Variants in NRBF2 observed in about 807,000 individuals in gnomAD.
NRBF2 encodes nuclear receptor-binding factor 2.
NRBF2 carries 12 observed loss-of-function variants against 28.5 expected under a neutral mutation model. The observed-to-expected ratio is 0.42, with a 90% confidence interval of 0.27 to 0.68. The LOEUF (loss-of-function observed/expected upper bound fraction) is 0.68, where lower values mean the gene tolerates loss of function less well. NRBF2 is among the 30% of genes least tolerant of loss of function. NRBF2 has a pLI of 0.24. For missense variants in NRBF2, 274 were observed against 333.5 expected (o/e 0.82, Z 1.39); for synonymous variants, 102 against 116.5 (o/e 0.88, Z 0.80).
chr10:63,150,974 G>T (rs1284544282), intron 2 of NRBF2, among the ~76,000 whole-genome samples: 1 of 152,332 alleles, frequency 6.6e-6, no homozygotes, highest in East Asian at 1.9e-4. Context: ...GGGAGTGGCT[G>T]TAAATACAGA....
intron 1 of NRBF2, among the ~76,000 whole-genome samples, chr10:63,142,775 TC>T (rs1251898852): frequency 7.7e-5 from 7 of 91,014 alleles, no homozygotes; most frequent in Non-Finnish European, 1.5e-4. Context: ...TTTCTTTCTT[TC>T]TTTCTTTTTT....
At chr10:63,135,239 T>A (rs114612659) in intron 1 of NRBF2, among the ~76,000 whole-genome samples, 1,634 of 152,308 alleles carry the variant, frequency 0.011, 32 homozygotes, top group African/African-American at 0.037. Context: ...CGACATATAG[T>A]TGGCAATGAA....
At chr10:63,142,201 T>G (rs1312865505) in intron 1 of NRBF2, among the ~76,000 whole-genome samples, 2 of 152,186 alleles carry the variant, frequency 1.3e-5, no homozygotes, top group African/African-American at 4.8e-5. Flanking sequence ...ATCTCATCCC[T>G]GCTTCTTAGA....
chr10:63,135,043 C>G (rs1224008346), intron 1 of NRBF2, among the ~76,000 whole-genome samples: 1 of 152,302 alleles, frequency 6.6e-6, no homozygotes, highest in East Asian at 1.9e-4. Flanking sequence ...CAAAAATAGC[C>G]TGGCGTGGTG....
At chr10:63,149,559 CTG>C (rs1469793307) in intron 2 of NRBF2, among the ~76,000 whole-genome samples, 1 of 152,110 alleles carries the variant, frequency 6.6e-6, no homozygotes, top group Non-Finnish European at 1.5e-5. Context: ...TATTGTGAGT[CTG>C]TGGAAGAAAT....
chr10:63,133,358 G>A lies in NRBF2; in HGVS notation c.-113G>A. The A allele has an allele frequency of 3.2e-6, 4 of 1,261,944 alleles. No homozygotes were observed. The highest frequency in any genetic ancestry group is 3.4e-6 in the Non-Finnish European group (3 of 887,066). 78.2% of individuals were successfully genotyped at this position (1,261,944 alleles called of 1,614,324 possible). A position where few individuals can be genotyped will look rare whatever the true frequency, so the allele number is the denominator to read the frequency against. ...TTCAGCGCCTATCGCTGGCTCTTGG[G>A]GCGCAGAGAGGGGCCGCAGTCTCCG... is the stretch of plus-strand genomic sequence containing the variant. On this transcript the variant is annotated 5_prime_UTR_variant, in exon 1 of 4. Transcript: ENST00000277746.
chr10:63,153,822 T>C lies in NRBF2; in HGVS notation c.468T>C (p.Ile156=). The change falls in exon 4 of 4, where the codon ATT becomes ATC. Residue 156 remains isoleucine, a synonymous_variant. Coordinates refer to ENST00000277746, the MANE Select transcript of NRBF2 (RefSeq NM_030759.5). ...QQKSEPAEPC[I]GSKAPKDDKT... ...AGAGTGAGCCAGCAGAGCCATGTATTGGAAGCAAAGCCCCAAAAGATGATA... is the reference window on the plus strand; with the variant it reads ...AGAGTGAGCCAGCAGAGCCATGTATCGGAAGCAAAGCCCCAAAAGATGATA... The C allele has an allele frequency of 6.2e-7, 1 of 1,612,834 alleles. No homozygotes were observed. The highest frequency in any genetic ancestry group is 8.5e-7 in the Non-Finnish European group (1 of 1,179,854).
chr10:63,144,307 C>A (rs1377111236), intron 1 of NRBF2, among the ~76,000 whole-genome samples: 1 of 152,104 alleles, frequency 6.6e-6, no homozygotes, highest in Non-Finnish European at 1.5e-5. Context: ...ACTTTAGATA[C>A]CCAATAAGTC....
chr10:63,148,829 C>T (rs1257000470), intron 2 of NRBF2, among the ~76,000 whole-genome samples: 2 of 152,196 alleles, frequency 1.3e-5, no homozygotes, highest in African/African-American at 4.8e-5. Context: ...AAGTGAATTT[C>T]TCTTCTTTCA....
chr10:63,145,275 CCT>C (rs540307898), intron 1 of NRBF2, among the ~76,000 whole-genome samples: 8 of 151,924 alleles, frequency 5.3e-5, no homozygotes, highest in Non-Finnish European at 1.0e-4. Context: ...GGTGTTTCAC[CCT>C]GTTAGCCAGG....
intron 1 of NRBF2, among the ~76,000 whole-genome samples, chr10:63,141,655 A>C (rs986155074): frequency 6.6e-6 from 1 of 152,164 alleles, no homozygotes; most frequent in African/African-American, 2.4e-5. Context: ...GGTGCCATCA[A>C]ATTTACATAA....
intron 3 of NRBF2, 30 bp downstream of exon 3, chr10:63,152,220 G>A (rs1487561215): frequency 6.3e-7 from 1 of 1,584,132 alleles, no homozygotes; most frequent in East Asian, 2.2e-5. Flanking sequence ...TTTGCGACAA[G>A]GGTTAGAAAG....
chr10:63,153,612 C>G lies in NRBF2; in HGVS notation c.258C>G (p.Ala86=). ...KRAQREERLK[A]QQNTDKDAAA... is the part of the protein sequence containing the mutation. ...CCCAGCGTGAAGAAAGATTGAAAGC[C>G]CAGCAGAACACAGACAAGGATGCAG... Residue 86 remains alanine, a synonymous_variant, in exon 4 of 4, where the codon GCC becomes GCG. Coordinates refer to ENST00000277746, the MANE Select transcript of NRBF2 (RefSeq NM_030759.5). 6.2e-7 allele frequency: 1 copy of G among 1,611,870 alleles called. No homozygotes were observed. The highest frequency in any genetic ancestry group is 1.1e-5 in the South Asian group (1 of 90,986).
intron 2 of NRBF2, among the ~76,000 whole-genome samples, chr10:63,149,758 G>T (rs1272404564): frequency 6.6e-6 from 1 of 152,148 alleles, no homozygotes; most frequent in Non-Finnish European, 1.5e-5. Flanking sequence ...TCTACAAAGG[G>T]TGGCATTTCA....
chr10:63,144,708 GC>G, intron 1 of NRBF2, among the ~76,000 whole-genome samples: 1 of 152,168 alleles, frequency 6.6e-6, no homozygotes. Context: ...GAGCCACCGC[GC>G]CCGGCCAGAA....
At chr10:63,142,075 G>A (rs541761016) in intron 1 of NRBF2, among the ~76,000 whole-genome samples, 1 of 152,246 alleles carries the variant, frequency 6.6e-6, no homozygotes, top group African/African-American at 2.4e-5. Flanking sequence ...TCATCACAGA[G>A]TTTGAAGTTT....
intron 1 of NRBF2, among the ~76,000 whole-genome samples, chr10:63,142,384 A>C (rs1841487090): frequency 6.8e-6 from 1 of 147,844 alleles, no homozygotes; most frequent in Non-Finnish European, 1.5e-5. Flanking sequence ...GCTCACTGCA[A>C]CCTCTGCCGC....
Position 63,154,141 on chromosome 10 carries a change from C to G in NRBF2, c.787C>G (p.Pro263Ala). The G allele has an allele frequency of 6.2e-7, 1 of 1,613,784 alleles. No homozygotes were observed. The highest frequency in any genetic ancestry group is 8.5e-7 in the Non-Finnish European group (1 of 1,179,738). The part of the protein sequence containing the change: ...AKDIPIPNLP[P>A]LDFPSPELPL... ...GGACATTCCAATCCCCAATCTTCCT[C>G]CCTTGGATTTTCCATCTCCAGAACT... Residue 263 changes from proline to alanine, a missense_variant, in exon 4 of 4, where the codon CCC (proline) becomes GCC (alanine). Physicochemically the swap from Pro to Ala is conservative, Grantham distance 27. Transcript: ENST00000277746.
intron 1 of NRBF2, among the ~76,000 whole-genome samples, chr10:63,136,802 T>C (rs920310666): frequency 2.0e-5 from 3 of 152,226 alleles, no homozygotes; most frequent in Non-Finnish European, 4.4e-5. Flanking sequence ...GATTCTTTTA[T>C]GTTAGGTTTG....
Sources: gnomAD v4.1 joint callset for allele counts (sites outside exome capture counted in the v4.1 genomes callset) on GRCh38, gnomAD v4.1.1 for gene constraint, MANE v1.5 for transcripts, NCBI Gene and HGNC (gene_info 2026-07-23, HGNC 2026-07-21) for gene names.